The following ATG7 variants were observed in gnomAD, a reference collection of about 807,000 sequenced individuals.
ATG7 encodes ubiquitin-like modifier-activating enzyme ATG7.
A neutral mutation model predicts 82.4 loss-of-function variants in ATG7; 70 were observed. That is an observed-to-expected ratio of 0.85 (90% CI 0.70 to 1.04). ATG7 has a LOEUF of 1.04. Ranked by LOEUF, ATG7 falls within the 50% of genes least tolerant of loss-of-function variation. ATG7 has a pLI of 0.00. For synonymous variants in ATG7, 287 were observed against 313.0 expected (o/e 0.92, Z 0.88); for missense variants, 792 against 864.3 (o/e 0.92, Z 1.05).
Position 11,519,561 on chromosome 3 carries a change from T to G in ATG7, c.2080-35250T>G, listed in dbSNP as rs918933176. Among the ~76,000 whole-genome samples, 513 of 106,650 alleles carry G rather than the reference T, an allele frequency of 4.8e-3. 7 individuals are homozygous for G. The highest frequency in any genetic ancestry group is 8.2e-3 in the Middle Eastern group (2 of 244). 70.0% of individuals were successfully genotyped at this position (106,650 alleles called of 152,430 possible). A position where few individuals can be genotyped will look rare whatever the true frequency, so the allele number is the denominator to read the frequency against. ...GGAGTTTTTTTTTTTTTTTTTTTTT[T>G]TTTTTTTTTTTTTTTTGAGACGGAG... On this transcript the variant is annotated intron_variant, in intron 20 of 20. Transcript: ENST00000693202.
chr3:11,324,583 A>G, intron 9 of ATG7, among the ~76,000 whole-genome samples: 1 of 152,180 alleles, frequency 6.6e-6, no homozygotes, highest in Non-Finnish European at 1.5e-5. Flanking sequence ...CCTGCTCTCT[A>G]TAGCCCATGT....
chr3:11,348,028 C>T lies in ATG7; in HGVS notation c.1277C>T (p.Pro426Leu), dbSNP rs143545741. 2,210 of 1,613,304 alleles carry T rather than the reference C, an allele frequency of 1.4e-3. 1 individual carries two copies. Among genetic ancestry groups the T allele is most frequent in the Middle Eastern group, 5.0e-3 (30 of 6,044 alleles). The change falls in exon 14 of 21, where the codon CCC becomes CTC. Residue 426 changes from proline to leucine, a missense_variant. Pro to Leu is a moderately conservative substitution (Grantham distance 98). Transcript: ENST00000693202. The part of the protein sequence containing the change: ...AAADRLQKIF[P>L]GVNARGFNMS... Reference sequence around the variant, plus strand: ...GCGGACCGGCTCCAGAAAATATTCCCCGGTGTGGTATGTTGTTGCTTTTGC... The same window carrying T: ...GCGGACCGGCTCCAGAAAATATTCCTCGGTGTGGTATGTTGTTGCTTTTGC...
intron 19 of ATG7, among the ~76,000 whole-genome samples, chr3:11,381,209 G>C (rs1236497431): frequency 6.6e-6 from 1 of 152,168 alleles, no homozygotes; most frequent in Non-Finnish European, 1.5e-5. Flanking sequence ...AGATATATCT[G>C]CTCAAGCCAG....
intron 20 of ATG7, among the ~76,000 whole-genome samples, chr3:11,533,656 A>C (rs1048146429): frequency 6.6e-6 from 1 of 152,106 alleles, no homozygotes; most frequent in Non-Finnish European, 1.5e-5. Flanking sequence ...GGTAGAACAG[A>C]TGCAAGGGAA....
chr3:11,492,085 C>T (rs1361962803), intron 20 of ATG7, among the ~76,000 whole-genome samples: 1 of 152,198 alleles, frequency 6.6e-6, no homozygotes, highest in Non-Finnish European at 1.5e-5. Flanking sequence ...GCAGTTTGAT[C>T]TCAGACTGCT....
intron 20 of ATG7, among the ~76,000 whole-genome samples, chr3:11,497,392 T>TATATATATATA (rs1422914065): frequency 2.0e-3 from 255 of 127,014 alleles, no homozygotes; most frequent in South Asian, 2.6e-3. Context: ...TATATATATA[T>TATATATATATA]TTAGCCAGGC....
intron 13 of ATG7, 68 bp from the exon 14 acceptor site, chr3:11,347,809 G>A: frequency 6.7e-7 from 1 of 1,487,828 alleles, no homozygotes; most frequent in Non-Finnish European, 9.0e-7. Context: ...TTCTTTTTGA[G>A]ATTTCAAGAG....
At chr3:11,344,058 G>A (rs1575586291) in intron 13 of ATG7, among the ~76,000 whole-genome samples, 1 of 152,008 alleles carries the variant, frequency 6.6e-6, no homozygotes, top group Admixed American at 6.5e-5. Context: ...ATTTAATGAT[G>A]TTTTTTCCTT....
intron 19 of ATG7, among the ~76,000 whole-genome samples, chr3:11,413,684 A>G (rs959062378): frequency 5.5e-4 from 83 of 152,244 alleles, no homozygotes; most frequent in African/African-American, 1.9e-3. Context: ...AAGTGGTATT[A>G]GTCCATGGTT....
intron 18 of ATG7, 44 bp downstream of exon 18, chr3:11,364,778 G>C (rs752209347): frequency 1.2e-6 from 2 of 1,601,752 alleles, no homozygotes; most frequent in South Asian, 2.2e-5. Context: ...TGGTACAGGG[G>C]GAAAGCATGT....
the ATG7 span, among the ~76,000 whole-genome samples, chr3:11,562,864 T>C: frequency 2.6e-5 from 4 of 152,058 alleles, no homozygotes; most frequent in Admixed American, 1.3e-4. Flanking sequence ...CCCATAAAGA[T>C]ATAGCTGGGG....
At chr3:11,516,417 A>G (rs996622601) in intron 20 of ATG7, among the ~76,000 whole-genome samples, 14 of 152,262 alleles carry the variant, frequency 9.2e-5, no homozygotes, top group Non-Finnish European at 2.1e-4. Flanking sequence ...CACCTACTAG[A>G]ATGGCCAAAA....
chr3:11,408,661 G>GC (rs1442170633), intron 19 of ATG7, among the ~76,000 whole-genome samples: 1 of 152,200 alleles, frequency 6.6e-6, no homozygotes, highest in Non-Finnish European at 1.5e-5. Flanking sequence ...TACATGGATG[G>GC]CAGCGGGCAA....
chr3:11,426,928 T>G lies in ATG7; in HGVS notation c.2079+2T>G. 1 of 1,591,706 alleles carries G rather than the reference T, an allele frequency of 6.3e-7. No individual in the cohort carries two copies. The highest frequency in any genetic ancestry group is 8.5e-7 in the Non-Finnish European group (1 of 1,172,386). On this transcript the variant is annotated splice_donor_variant, in intron 20 of 20. Transcript: ENST00000693202. LOFTEE classifies it high-confidence loss of function. ...CATCAAGAAACCCAAGCTGCTGAGG[T>G]AAGAACAAAACAAGCTTTCTGTAGT...
intron 3 of ATG7, among the ~76,000 whole-genome samples, chr3:11,287,977 G>A (rs1201618462): frequency 1.3e-5 from 2 of 152,132 alleles, no homozygotes. Flanking sequence ...GCCTTTTTTT[G>A]TGCAGTCCAG....
chr3:11,305,420 C>T (rs1467347039), intron 5 of ATG7, among the ~76,000 whole-genome samples: 1 of 152,184 alleles, frequency 6.6e-6, no homozygotes, highest in Non-Finnish European at 1.5e-5. Flanking sequence ...AGAAGGGTAC[C>T]TTCCTCTTCT....
chr3:11,342,057 G>C (rs913828178), intron 12 of ATG7, 78 bp from the exon 13 acceptor site: 4 of 1,420,106 alleles, frequency 2.8e-6, no homozygotes, highest in Non-Finnish European at 3.8e-6. Context: ...TTATTTTCTT[G>C]CATAGCCACT....
chr3:11,276,377 A>C (rs1367556911), intron 1 of ATG7, among the ~76,000 whole-genome samples: 1 of 151,986 alleles, frequency 6.6e-6, no homozygotes, highest in African/African-American at 2.4e-5. Context: ...TCATTTGTTC[A>C]TTTTCTTTTC....
At chr3:11,276,159 C>T (rs986163355) in intron 1 of ATG7, among the ~76,000 whole-genome samples, 3 of 152,206 alleles carry the variant, frequency 2.0e-5, no homozygotes, top group Non-Finnish European at 2.9e-5. Context: ...CTCTCCTCAA[C>T]CTCCTACCTT....
Sources: gnomAD v4.1 joint callset for allele counts (sites outside exome capture counted in the v4.1 genomes callset) on GRCh38, gnomAD v4.1.1 for gene constraint, MANE v1.5 for transcripts, NCBI Gene and HGNC (gene_info 2026-07-23, HGNC 2026-07-21) for gene names.